DROSHA: variants seen among roughly 807,000 people sequenced by gnomAD.
DROSHA encodes drosha ribonuclease III, also known as ribonuclease 3.
In DROSHA, 56 loss-of-function variants were observed where a neutral mutation model predicts 181.9. The observed-to-expected ratio is 0.31, with a 90% confidence interval of 0.25 to 0.38. The LOEUF (loss-of-function observed/expected upper bound fraction) is 0.38. Ranked by LOEUF, DROSHA falls within the 10% of genes least tolerant of loss-of-function variation. The pLI, the probability that DROSHA is intolerant of heterozygous loss-of-function variation, is 1.00. For synonymous variants in DROSHA, 524 were observed against 591.2 expected (o/e 0.89, Z 1.65); for missense variants, 1,218 against 1,743.5 (o/e 0.70, Z 5.37).
At chr5:31,450,883 C>T (rs1746907532) in intron 21 of DROSHA, among the ~76,000 whole-genome samples, 1 of 152,072 alleles carries the variant, frequency 6.6e-6, no homozygotes, top group Non-Finnish European at 1.5e-5. Flanking sequence ...TGACGCAAGC[C>T]CTCTTCTGCA....
In DROSHA at chr5:31,514,818, A is replaced by G. The variant is rs903671312; in HGVS notation, c.1290+170T>C. ...TTTGAAGACATTTTCGGTAACCACAACTGGGGAGGGGTACTACTGGCATCT... is the reference window on the plus strand; with the variant it reads ...TTTGAAGACATTTTCGGTAACCACAGCTGGGGAGGGGTACTACTGGCATCT... On this transcript the variant is annotated intron_variant, in intron 8 of 35. Coordinates refer to ENST00000344624, the MANE Select transcript of DROSHA (RefSeq NM_001382508.1). This position sits in a 1 kb window ranked among gnomAD's most constrained non-coding sequence, Gnocchi z 4.4. Among the ~76,000 whole-genome samples the G allele has an allele frequency of 3.3e-5, 5 of 152,146 alleles. No individual in the cohort carries two copies. The highest frequency in any genetic ancestry group is 7.2e-5 in the African/African-American group (3 of 41,434).
chr5:31,504,650 A>G lies in DROSHA; in HGVS notation c.1588-15T>C, dbSNP rs749044382. ...CCATCATTCATCTGTCAGAAACACA[A>G]TGTAATTCGTTTTTATTGGAGGGAA... On this transcript the variant is annotated splice_polypyrimidine_tract_variant and intron_variant, in intron 10 of 35. Transcript: ENST00000344624. The G allele has an allele frequency of 2.5e-6, 4 of 1,613,622 alleles. No homozygotes were observed. In the South Asian group the frequency reaches 3.3e-5, roughly 13 times the overall value.
At chr5:31,483,764 C>G (rs1365350051) in intron 15 of DROSHA, 136 bp from the exon 16 acceptor site, 1 of 768,280 alleles carries the variant, frequency 1.3e-6, no homozygotes, top group Admixed American at 3.0e-5. Context: ...ATTACCACCA[C>G]CTCCTGCCAC....
At chr5:31,461,644 TACATAA>T (rs1206810408) in intron 20 of DROSHA, among the ~76,000 whole-genome samples, 3 of 152,118 alleles carry the variant, frequency 2.0e-5, no homozygotes, top group East Asian at 3.9e-4. Context: ...AGGAAAGGTA[TACATAA>T]ACATAATGAA....
In DROSHA at chr5:31,401,553, G is replaced by A; in HGVS notation, c.4004C>T (p.Pro1335Leu). Reference sequence around the variant, plus strand: ...GAACCGCTTCTGATGGGCCATCTGGGGAAAATTATCTGACACAAGGAAATA... The same window carrying A: ...GAACCGCTTCTGATGGGCCATCTGGAGAAAATTATCTGACACAAGGAAATA... ...AMDALEKYNF[P>L]QMAHQKRFIE... Residue 1335 changes from proline (P) to leucine (L), a missense_variant, in exon 36 of 36, where the codon CCC becomes CTC. By Grantham distance (98) the Pro-to-Leu change is moderately conservative (BLOSUM62 -3). Transcript: ENST00000344624. 3 of 1,566,514 alleles carry A rather than the reference G, an allele frequency of 1.9e-6. No homozygotes were observed. Among genetic ancestry groups the A allele is most frequent in the Non-Finnish European group, 2.6e-6 (3 of 1,155,872 alleles).
chr5:31,531,571 T>A (rs1741389260), intron 1 of DROSHA, 46 bp from the exon 2 acceptor site: 1 of 152,198 alleles, frequency 6.6e-6, no homozygotes, highest in South Asian at 2.1e-4. Context: ...GTAAAAAGAA[T>A]TTTAAAGTGT....
intron 8 of DROSHA, among the ~76,000 whole-genome samples, chr5:31,513,312 C>T (rs368295792): frequency 3.3e-5 from 5 of 152,300 alleles, no homozygotes; most frequent in African/African-American, 1.2e-4. Flanking sequence ...CACTGAGCCA[C>T]TCAGTGAACA....
intron 30 of DROSHA, among the ~76,000 whole-genome samples, chr5:31,414,906 A>AT (rs1741763834): frequency 6.6e-6 from 1 of 152,214 alleles, no homozygotes; most frequent in African/African-American, 2.4e-5. Context: ...TTAATTTGAA[A>AT]TCACCAGAAA....
chr5:31,481,129 T>A (rs1561227734), intron 16 of DROSHA, among the ~76,000 whole-genome samples: 1 of 152,146 alleles, frequency 6.6e-6, no homozygotes, highest in Non-Finnish European at 1.5e-5. Context: ...TTCTAAAAGA[T>A]CTTTAACAAA....
chr5:31,459,742 A>G (rs1168495340), intron 20 of DROSHA, among the ~76,000 whole-genome samples: 1 of 152,238 alleles, frequency 6.6e-6, no homozygotes, highest in East Asian at 1.9e-4. Context: ...AATGCATGGC[A>G]GCCTTCCATC....
rs142903343 is a variant in DROSHA at position 31,446,178 on chromosome 5, G to A, written c.2882+2369C>T. Among the ~76,000 whole-genome samples the A allele has an allele frequency of 9.0e-3, 1,371 of 152,230 alleles. 7 individuals are homozygous for A. The highest frequency in any genetic ancestry group is 0.015 in the Non-Finnish European group (1,013 of 68,018). On this transcript the variant is annotated intron_variant, in intron 23 of 35. Transcript: ENST00000344624. ...AAAATAATTCCAGGCCGGGCGTGGT[G>A]GCTCACGCCTGTAATCCCAGCACTT...
intron 16 of DROSHA, among the ~76,000 whole-genome samples, chr5:31,479,513 A>T (rs1366774471): frequency 6.6e-6 from 1 of 152,242 alleles, no homozygotes; most frequent in Non-Finnish European, 1.5e-5. Flanking sequence ...TGAAGAAAAT[A>T]TAAGTGAGTA....
Position 31,405,702 on chromosome 5 carries a change from TC to T in DROSHA, c.3968del (p.Gly1323GlufsTer30). ...KGPSIQQAEMGAAMDALEKYN... is the reference protein window; with the variant it reads ...KGPSIQQAEMXAAMDALEKYN... ...ATTTTTCAAGCGCATCCATTGCTGC[TC>T]CCATTTCCGCTTGCTGAATACTATT... On this transcript the variant is annotated frameshift_variant, in exon 35 of 36. Coordinates refer to ENST00000344624, the MANE Select transcript of DROSHA (RefSeq NM_001382508.1). LOFTEE classifies it high-confidence loss of function. 6.4e-7 allele frequency: 1 copy of T among 1,557,520 alleles called. No individual in the cohort carries two copies. Among genetic ancestry groups the T allele is most frequent in the Non-Finnish European group, 8.7e-7 (1 of 1,152,428 alleles).
chr5:31,419,573 G>A (rs1742411260), intron 30 of DROSHA, among the ~76,000 whole-genome samples: 1 of 142,854 alleles, frequency 7.0e-6, no homozygotes, highest in South Asian at 2.4e-4. Context: ...GGGGGTGGGG[G>A]AGTGGGGTGG....
chr5:31,475,523 G>A (rs1240827321), intron 16 of DROSHA, among the ~76,000 whole-genome samples: 2 of 152,094 alleles, frequency 1.3e-5, no homozygotes, highest in African/African-American at 4.8e-5. Context: ...AGAATACGTT[G>A]TCTATACACT....
At chr5:31,427,324 T>C (rs142011260) in intron 27 of DROSHA, among the ~76,000 whole-genome samples, 60 of 152,246 alleles carry the variant, frequency 3.9e-4, no homozygotes, top group African/African-American at 1.4e-3. Context: ...CTGAATGTAC[T>C]GGGTCAAACT....
intron 3 of DROSHA, 139 bp from the exon 4 acceptor site, chr5:31,529,244 G>A: frequency 4.2e-6 from 3 of 716,384 alleles, no homozygotes; most frequent in South Asian, 3.9e-5. Context: ...AAAGCATGTT[G>A]AACTGTGTTA....
At chr5:31,435,913 T>C in intron 24 of DROSHA, 49 bp from the exon 25 acceptor site, 2 of 1,561,308 alleles carry the variant, frequency 1.3e-6, no homozygotes, top group African/African-American at 2.7e-5. Flanking sequence ...CACGACATTC[T>C]GTCTGTGGCT....
At chr5:31,447,684 A>G (rs541689385) in intron 23 of DROSHA, among the ~76,000 whole-genome samples, 7 of 152,350 alleles carry the variant, frequency 4.6e-5, no homozygotes, top group African/African-American at 1.7e-4. Context: ...TAAAAATGGG[A>G]AAAGGATCTG....
Sources: gnomAD v4.1 joint callset for allele counts (sites outside exome capture counted in the v4.1 genomes callset) on GRCh38, gnomAD v4.1.1 for gene constraint, Gnocchi (gnomAD v3.1) non-coding constraint, MANE v1.5 for transcripts, NCBI Gene and HGNC (gene_info 2026-07-23, HGNC 2026-07-21) for gene names.